The following METTL16 variants were observed in gnomAD, a reference collection of about 807,000 sequenced individuals.
METTL16 encodes the protein RNA N(6)-adenosine-methyltransferase METTL16.
A neutral mutation model predicts 57.9 loss-of-function variants in METTL16; 19 were observed. That is an observed-to-expected ratio of 0.33 (90% CI 0.23 to 0.48). The LOEUF is 0.48. Ranked by LOEUF, METTL16 falls within the 20% of genes least tolerant of loss-of-function variation. The probability of loss-of-function intolerance (pLI) is 0.99; values close to 1 mark genes in which losing one functional copy is unlikely to be tolerated. For synonymous variants in METTL16, 246 were observed against 255.6 expected (o/e 0.96, Z 0.36); for missense variants, 434 against 691.5 (o/e 0.63, Z 4.18).
intron 1 of METTL16, among the ~76,000 whole-genome samples, chr17:2,506,049 C>T (rs184365970): frequency 1.3e-4 from 19 of 151,978 alleles, no homozygotes; most frequent in Admixed American, 5.9e-4. Flanking sequence ...CTCACTGCAA[C>T]GTCTGCCTCC....
At chr17:2,425,642 A>C (rs558512438) in intron 8 of METTL16, among the ~76,000 whole-genome samples, 40 of 152,316 alleles carry the variant, frequency 2.6e-4, no homozygotes, top group Middle Eastern at 3.4e-3. Context: ...CCAGTTCTTA[A>C]ATTTTAAAAT....
chr17:2,487,394 G>A (rs1307591106), intron 2 of METTL16, among the ~76,000 whole-genome samples: 1 of 152,214 alleles, frequency 6.6e-6, no homozygotes, highest in Non-Finnish European at 1.5e-5. Context: ...AAAATATAAA[G>A]TGCGAAGGAA....
chr17:2,446,657 C>G (rs1007587316), intron 6 of METTL16, among the ~76,000 whole-genome samples: 1 of 150,838 alleles, frequency 6.6e-6, no homozygotes, highest in Non-Finnish European at 1.5e-5. Flanking sequence ...CCTCTGATGC[C>G]GAGCCAAGGC....
At position 2,444,541 on chromosome 17, in the gene METTL16, C is replaced by A. The variant is rs537928229; in HGVS notation, c.729-2982G>T. Among the ~76,000 whole-genome samples, 8 of 152,172 alleles carry A rather than the reference C, an allele frequency of 5.3e-5. No individual in the cohort carries two copies. In the East Asian group the frequency reaches 1.5e-3, roughly 29 times the overall value. ...TCGTAGCTGTTGCAACATCATAGCA[C>A]AGTTTTAAAAAATAAAGTGTAGCTT... On this transcript the variant is annotated intron_variant, in intron 6 of 9. Transcript: ENST00000263092.
intron 6 of METTL16, among the ~76,000 whole-genome samples, chr17:2,443,101 G>A (rs1567887250): frequency 2.0e-5 from 3 of 152,048 alleles, no homozygotes; most frequent in South Asian, 4.1e-4. Context: ...CGATTTTCCC[G>A]CCTCAGCCTC....
chr17:2,490,283 T>C (rs1405127812), intron 2 of METTL16, among the ~76,000 whole-genome samples: 1 of 152,208 alleles, frequency 6.6e-6, no homozygotes, highest in Non-Finnish European at 1.5e-5. Context: ...TACAAGTGTA[T>C]GTGGATCAGC....
At chr17:2,489,897 A>G (rs1314324418) in intron 2 of METTL16, among the ~76,000 whole-genome samples, 1 of 152,160 alleles carries the variant, frequency 6.6e-6, no homozygotes, top group African/African-American at 2.4e-5. Flanking sequence ...CCTAAAAGTA[A>G]TCAGTATGGA....
rs761601865 is a variant in METTL16, at chr17:2,420,273, G to C, written c.1386C>G (p.Pro462=). 1.2e-6 allele frequency: 2 copies of C among 1,613,750 alleles called. No individual in the cohort carries two copies. Among genetic ancestry groups the C allele is most frequent in the Admixed American group, 3.3e-5 (2 of 60,016 alleles). ...TTTCCTCACTCCTTTCATCCTCCGT[G>C]GGTTCCGGGTTTTCCTCCTGGGACA... is the stretch of plus-strand genomic sequence containing the variant. ...ESLSQEENPE[P]TEDERSEEKG... The change falls in exon 10 of 10, where the codon CCC becomes CCG. Residue 462 remains proline, a synonymous_variant. Transcript: ENST00000263092. This position sits in a 1 kb window ranked among gnomAD's most constrained non-coding sequence, Gnocchi z 5.4.
At chr17:2,453,322 T>C (rs1290125088) in intron 6 of METTL16, among the ~76,000 whole-genome samples, 3 of 152,206 alleles carry the variant, frequency 2.0e-5, no homozygotes, top group Non-Finnish European at 4.4e-5. Flanking sequence ...GCGAATTTCA[T>C]GTACTTGTCA....
chr17:2,491,130 A>C (rs1256465211), intron 2 of METTL16, among the ~76,000 whole-genome samples: 4 of 152,218 alleles, frequency 2.6e-5, no homozygotes, highest in African/African-American at 9.6e-5. Context: ...ACATTCAAAA[A>C]ACCTGAACAC....
At chr17:2,476,887 C>T (rs956942422) in intron 3 of METTL16, among the ~76,000 whole-genome samples, 2 of 150,960 alleles carry the variant, frequency 1.3e-5, no homozygotes, top group African/African-American at 2.4e-5. Flanking sequence ...ACCCGGGAGG[C>T]GGAGGTTGCA....
rs188977683 is a variant in METTL16 at position 2,475,736 on chromosome 17, C to T, written c.328+1950G>A. ...TAATGACAAATAAAAATGGAAAGTA[C>T]ATAATGGTAGAATTAGAGCAAACTG... On this transcript the variant is annotated intron_variant, in intron 3 of 9. Coordinates refer to ENST00000263092, the MANE Select transcript of METTL16 (RefSeq NM_024086.4). Among the ~76,000 whole-genome samples, 201 of 152,202 alleles carry T rather than the reference C, an allele frequency of 1.3e-3. 2 individuals carry two copies. The highest frequency in any genetic ancestry group is 4.4e-3 in the African/African-American group (184 of 41,548).
intron 2 of METTL16, among the ~76,000 whole-genome samples, chr17:2,478,697 T>C (rs1252489268): frequency 1.3e-5 from 2 of 152,242 alleles, no homozygotes; most frequent in East Asian, 1.9e-4. Context: ...TCTGTCTTCA[T>C]AGATTTGCCT....
At chr17:2,465,874 C>A (rs183690378) in intron 5 of METTL16, among the ~76,000 whole-genome samples, 1 of 149,634 alleles carries the variant, frequency 6.7e-6, no homozygotes. Context: ...CCCCACACCC[C>A]CCGACCTCAA....
intron 8 of METTL16, among the ~76,000 whole-genome samples, chr17:2,423,628 G>A (rs181772545): frequency 1.1e-4 from 16 of 152,160 alleles, no homozygotes; most frequent in African/African-American, 3.6e-4. Flanking sequence ...AGAGCTCACT[G>A]CAACCTGGCC....
Position 2,464,364 on chromosome 17 carries a change from A to C in METTL16, c.586-14T>G. 3 of 1,585,248 alleles carry C rather than the reference A, an allele frequency of 1.9e-6. No homozygotes were observed. In the East Asian group the frequency reaches 6.7e-5, roughly 36 times the overall value. On this transcript the variant is annotated splice_polypyrimidine_tract_variant and intron_variant, in intron 5 of 9. Transcript: ENST00000263092. ...TGAGTTTACTCCCTGAAAAACAACA[A>C]AAAACCCTGGTGAAAAATGTGTACA...
chr17:2,507,307 A>G (rs577155208), intron 1 of METTL16, among the ~76,000 whole-genome samples: 2,917 of 79,596 alleles, frequency 0.037, 55 homozygotes, highest in African/African-American at 0.085. Context: ...CCGGCCAGCC[A>G]CCCCATCCAG....
intron 2 of METTL16, among the ~76,000 whole-genome samples, chr17:2,492,192 C>T (rs1466834233): frequency 6.6e-6 from 1 of 152,124 alleles, no homozygotes; most frequent in Non-Finnish European, 1.5e-5. Flanking sequence ...GCCTGGGCGA[C>T]AGAGCAAGAC....
intron 2 of METTL16, among the ~76,000 whole-genome samples, chr17:2,495,461 C>G (rs1226201521): frequency 6.6e-6 from 1 of 151,822 alleles, no homozygotes; most frequent in East Asian, 1.9e-4. Context: ...CTTTGAGAGG[C>G]CAAGGTGGGC....
Sources: gnomAD v4.1 joint callset for allele counts (sites outside exome capture counted in the v4.1 genomes callset) on GRCh38, gnomAD v4.1.1 for gene constraint, Gnocchi (gnomAD v3.1) non-coding constraint, MANE v1.5 for transcripts, NCBI Gene and HGNC (gene_info 2026-07-23, HGNC 2026-07-21) for gene names.